The following NXN variants were observed in gnomAD, a reference collection of about 807,000 sequenced individuals.
NXN encodes the protein nucleoredoxin 1.
In NXN, 16 loss-of-function variants were observed where a neutral mutation model predicts 48.6. That is an observed-to-expected ratio of 0.33 (90% CI 0.22 to 0.50). The LOEUF (loss-of-function observed/expected upper bound fraction) is 0.50, where lower values mean the gene tolerates loss of function less well. Among genes scored for constraint, NXN ranks in the 20% least tolerant of loss-of-function variants. NXN has a pLI of 0.98. For missense variants in NXN, 492 were observed against 605.5 expected, an observed-to-expected ratio of 0.81 and a Z score of 1.97; for synonymous variants, 281 against 269.6, an observed-to-expected ratio of 1.04 and a Z score of -0.41.
rs763349794 is a variant in NXN at position 979,694 on chromosome 17, G to A, written c.-16C>T. The A allele has an allele frequency of 3.6e-6, 5 of 1,399,300 alleles. No individual in the cohort carries two copies. Among genetic ancestry groups the A allele is most frequent in the African/African-American group, 3.0e-5 (2 of 66,592 alleles). 86.7% of individuals were successfully genotyped at this position (1,399,300 alleles called of 1,614,324 possible). On this transcript the variant is annotated 5_prime_UTR_variant, in exon 1 of 8. Coordinates refer to ENST00000336868, the MANE Select transcript of NXN (RefSeq NM_022463.5). Reference sequence around the variant, plus strand: ...AGCCCGACATCCTGGCCCACCGCAGGGCGGGCAGGCGGCTGCGACCCCGCT... The same window carrying A: ...AGCCCGACATCCTGGCCCACCGCAGAGCGGGCAGGCGGCTGCGACCCCGCT...
Position 979,511 on chromosome 17 carries a change from G to A in NXN, c.168C>T (p.Phe56=), listed in dbSNP as rs760946964. Residue 56 remains phenylalanine, a synonymous_variant, in exon 1 of 8, where the codon TTC becomes TTT. Coordinates refer to ENST00000336868, the MANE Select transcript of NXN (RefSeq NM_022463.5). ...CAQLSASLAA[F]YGRLRGDAAA... is the part of the protein sequence containing the mutation. ...CCGCGTCCCCCCGCAGGCGCCCGTA[G>A]AAGGCGGCCAGGCTGGCGCTGAGCT... 18 of 1,248,862 alleles carry A rather than the reference G, an allele frequency of 1.4e-5. No homozygotes were observed. Among genetic ancestry groups the A allele is most frequent in the Admixed American group, 3.8e-5 (1 of 26,380 alleles). The allele number at this position is 1,248,862 out of a possible 1,614,324, so 77.4% of individuals were successfully genotyped here. A position where few individuals can be genotyped will look rare whatever the true frequency, so the allele number is the denominator to read the frequency against.
chr17:812,852 ATGTGTGTAGGTGTGTGTGGGTGTGTGCG>A (rs1567812877), intron 5 of NXN, among the ~76,000 whole-genome samples: 3 of 127,692 alleles, frequency 2.3e-5, no homozygotes, highest in Admixed American at 8.0e-5. Flanking sequence ...AGGTGTGTGC[ATGTGTGTAGGTGTGTGTGGGTGTGTGCG>A]CACATGTGAA....
intron 1 of NXN, among the ~76,000 whole-genome samples, chr17:889,925 C>T (rs186657565): frequency 1.7e-4 from 26 of 152,268 alleles, no homozygotes; most frequent in Admixed American, 1.6e-3. Context: ...TTCGCTCCCC[C>T]AACCTGCCGT....
At chr17:877,150 GTGT>G (rs1282170522) in intron 1 of NXN, among the ~76,000 whole-genome samples, 5 of 151,720 alleles carry the variant, frequency 3.3e-5, no homozygotes, top group Non-Finnish European at 7.4e-5. Context: ...AACAGCGACG[GTGT>G]TGTTTTTTTT....
At chr17:934,374 A>G (rs545181440) in intron 1 of NXN, among the ~76,000 whole-genome samples, 1 of 151,740 alleles carries the variant, frequency 6.6e-6, no homozygotes, top group East Asian at 2.0e-4. Context: ...TGAACCCGGG[A>G]GATGGAGCTT....
At chr17:841,536 G>A (rs1418715516) in intron 1 of NXN, among the ~76,000 whole-genome samples, 2 of 81,360 alleles carry the variant, frequency 2.5e-5, no homozygotes, top group African/African-American at 4.6e-5. Flanking sequence ...CGACCATGGA[G>A]CATCTCACGC....
At chr17:870,827 A>T (rs1480897614) in intron 1 of NXN, among the ~76,000 whole-genome samples, 2 of 150,952 alleles carry the variant, frequency 1.3e-5, no homozygotes, top group African/African-American at 2.4e-5. Flanking sequence ...GGAATCTCTC[A>T]CACTTCTGGT....
chr17:856,551 T>C (rs11657806), intron 1 of NXN, among the ~76,000 whole-genome samples: 39,973 of 147,270 alleles, frequency 0.27, 6,327 homozygotes, highest in African/African-American at 0.44. Context: ...AGTGCAGTGG[T>C]GCAATCTCGG....
At chr17:861,814 C>T (rs573856016) in intron 1 of NXN, among the ~76,000 whole-genome samples, 5 of 151,156 alleles carry the variant, frequency 3.3e-5, no homozygotes, top group African/African-American at 1.2e-4. Flanking sequence ...AGTGGAAGAA[C>T]ATGAGGGGCT....
At chr17:856,245 A>G (rs1381256460) in intron 1 of NXN, among the ~76,000 whole-genome samples, 8 of 152,108 alleles carry the variant, frequency 5.3e-5, no homozygotes, top group Non-Finnish European at 1.0e-4. Context: ...AATATTTTGC[A>G]TCATGGCCGA....
At position 854,874 on chromosome 17, in the gene NXN, G is replaced by T. The variant is rs111521008; in HGVS notation, c.361-28796C>A. Among the ~76,000 whole-genome samples the T allele has an allele frequency of 6.7e-3, 1,011 of 151,844 alleles. 16 individuals carry two copies. Among genetic ancestry groups the T allele is most frequent in the African/African-American group, 0.024 (974 of 41,368 alleles). On this transcript the variant is annotated intron_variant, in intron 1 of 7. Coordinates refer to ENST00000336868, the MANE Select transcript of NXN (RefSeq NM_022463.5). Reference sequence around the variant, plus strand: ...CTCGGGAGACTGAGGCAGGAGAATTGCTTGAACCCAGGAGGCGGAGGTTGC... The same window carrying T: ...CTCGGGAGACTGAGGCAGGAGAATTTCTTGAACCCAGGAGGCGGAGGTTGC...
intron 5 of NXN, among the ~76,000 whole-genome samples, chr17:811,421 A>G (rs1396508581): frequency 6.6e-6 from 1 of 151,472 alleles, no homozygotes; most frequent in Non-Finnish European, 1.5e-5. Flanking sequence ...GTCTTCTGCC[A>G]GGTGTGTTGA....
chr17:979,111 G>A (rs1405603764), intron 1 of NXN, among the ~76,000 whole-genome samples: 7 of 96,486 alleles, frequency 7.3e-5, no homozygotes, highest in Non-Finnish European at 1.4e-4. Flanking sequence ...GCGCGGAAGG[G>A]GGGGGGGCAG....
Position 800,982 on chromosome 17 carries a change from G to A in NXN, c.1275C>T (p.Phe425=), listed in dbSNP as rs1911169609. The stretch of plus-strand genomic sequence containing the variant: ...GCTCCGGTTTGAGCTTCTCTGCTAG[G>A]AAGTCATTCACAAAGGCCTCCACGA... ...PAIVEAFVND[F]LAEKLKPEPI is the part of the protein sequence containing the mutation. Residue 425 remains phenylalanine, a synonymous_variant, in exon 8 of 8, where the codon TTC becomes TTT. Coordinates refer to ENST00000336868, the MANE Select transcript of NXN (RefSeq NM_022463.5). 6.5e-7 allele frequency: 1 copy of A among 1,539,240 alleles called. No homozygotes were observed. Among genetic ancestry groups the A allele is most frequent in the East Asian group, 2.5e-5 (1 of 40,230 alleles).
At chr17:937,422 G>T (rs1357787978) in intron 1 of NXN, among the ~76,000 whole-genome samples, 1 of 152,112 alleles carries the variant, frequency 6.6e-6, no homozygotes, top group African/African-American at 2.4e-5. Flanking sequence ...AACACACCTG[G>T]AGAAGGGGGC....
At position 800,918 on chromosome 17, in the gene NXN, T is replaced by G; in HGVS notation, c.*31A>C. On this transcript the variant is annotated 3_prime_UTR_variant, in exon 8 of 8. Transcript: ENST00000336868. ...AGGGGGAGGAGGAGAAGGCTGAGTT[T>G]TAAATAACGTCTCAGGAGGCCGGAG... 1 of 1,387,546 alleles carries G rather than the reference T, an allele frequency of 7.2e-7. No individual in the cohort carries two copies. Among genetic ancestry groups the G allele is most frequent in the Non-Finnish European group, 9.5e-7 (1 of 1,057,648 alleles). 86.0% of individuals were successfully genotyped at this position (1,387,546 alleles called of 1,614,324 possible).
chr17:928,635 A>C (rs1013286111), intron 1 of NXN, among the ~76,000 whole-genome samples: 2 of 152,200 alleles, frequency 1.3e-5, no homozygotes, highest in Non-Finnish European at 2.9e-5. Flanking sequence ...CAGGAGTTTG[A>C]GACCAGCCTA....
intron 5 of NXN, among the ~76,000 whole-genome samples, chr17:812,173 C>A (rs2467269): frequency 2.6e-5 from 4 of 151,310 alleles, no homozygotes; most frequent in East Asian, 2.0e-4. Context: ...GTGATCCGCC[C>A]GCCTCGGCCT....
At chr17:809,878 T>C (rs74548670) in intron 5 of NXN, among the ~76,000 whole-genome samples, 24,618 of 127,578 alleles carry the variant, frequency 0.19, 3,636 homozygotes, top group East Asian at 0.3. Flanking sequence ...TCAGTGTGAG[T>C]GGCGTGTACG....
Sources: allele counts gnomAD v4.1 joint callset (sites outside exome capture counted in the v4.1 genomes callset), GRCh38; gene constraint gnomAD v4.1.1; transcripts MANE v1.5; gene names NCBI Gene and HGNC (gene_info 2026-07-23, HGNC 2026-07-21).